OR56A3: variants seen among roughly 807,000 people sequenced by gnomAD.
OR56A3 encodes olfactory receptor family 56 subfamily A member 3.
A neutral mutation model predicts 17.5 loss-of-function variants in OR56A3; 23 were observed. That is an observed-to-expected ratio of 1.32 (90% CI 0.95 to 1.87). The LOEUF is 1.87. OR56A3 is among the 40% of genes most tolerant of loss of function. The pLI, the probability that OR56A3 is intolerant of heterozygous loss-of-function variation, is 0.00. For synonymous variants in OR56A3, 175 were observed against 150.6 expected, an observed-to-expected ratio of 1.16 and a Z score of -1.19; for missense variants, 366 against 380.1, an observed-to-expected ratio of 0.96 and a Z score of 0.31.
the OR56A3 span, among the ~76,000 whole-genome samples, chr11:6,008,577 C>T: frequency 3.6e-3 from 552 of 151,850 alleles, 5 homozygotes; most frequent in African/African-American, 0.013. Context: ...ACTTTCTGGC[C>T]GCTTCTACTT....
intron 2 of OR56A3, among the ~76,000 whole-genome samples, chr11:5,945,953 G>A (rs772623929): frequency 6.6e-6 from 1 of 152,200 alleles, no homozygotes; most frequent in Admixed American, 6.5e-5. Context: ...GCTGAGAAGC[G>A]ATAGAAAGGA....
chr11:5,965,616 CA>C, the OR56A3 span, among the ~76,000 whole-genome samples: 47 of 152,048 alleles, frequency 3.1e-4, 1 homozygote, highest in Middle Eastern at 0.014. Context: ...TTTTATTCAT[CA>C]AAATAACTAA....
downstream of OR56A3, among the ~76,000 whole-genome samples, chr11:5,956,167 T>C (rs1301138659): frequency 6.6e-6 from 1 of 152,250 alleles, no homozygotes; most frequent in Non-Finnish European, 1.5e-5. Flanking sequence ...CGAACAATTG[T>C]TGGCCAAAGA....
chr11:6,012,766 G>C, the OR56A3 span, among the ~76,000 whole-genome samples: 2 of 152,298 alleles, frequency 1.3e-5, no homozygotes, highest in African/African-American at 4.8e-5. Flanking sequence ...TTGCACCAAG[G>C]GGCACCTTTA....
At chr11:6,009,480 A>T in the OR56A3 span, among the ~76,000 whole-genome samples, 1 of 152,190 alleles carries the variant, frequency 6.6e-6, no homozygotes, top group Non-Finnish European at 1.5e-5. Context: ...AGTATTTTAC[A>T]TGTGTATTCA....
At chr11:5,968,313 G>C in the OR56A3 span, 1 of 1,612,876 alleles carries the variant, frequency 6.2e-7, no homozygotes, top group Non-Finnish European at 8.5e-7. Flanking sequence ...GTAGTACAGG[G>C]GCTGGTGCAG....
At chr11:5,976,062 G>A in the OR56A3 span, among the ~76,000 whole-genome samples, 2 of 151,976 alleles carry the variant, frequency 1.3e-5, no homozygotes, top group Admixed American at 6.6e-5. Flanking sequence ...GACTGTAAAG[G>A]GGGCAGTTCC....
At chr11:5,991,245 G>A in the OR56A3 span, among the ~76,000 whole-genome samples, 1 of 152,190 alleles carries the variant, frequency 6.6e-6, no homozygotes, top group African/African-American at 2.4e-5. Context: ...TGCCACCTAG[G>A]ACCATGCCAA....
chr11:5,981,503 C>T, the OR56A3 span, among the ~76,000 whole-genome samples: 2 of 152,168 alleles, frequency 1.3e-5, no homozygotes, highest in South Asian at 2.1e-4. Flanking sequence ...AATTTTTCAG[C>T]TCTATCAAAT....
intron 1 of OR56A3, among the ~76,000 whole-genome samples, chr11:5,942,746 C>T (rs1401347296): frequency 6.6e-6 from 1 of 152,258 alleles, no homozygotes; most frequent in Non-Finnish European, 1.5e-5. Context: ...GAACAGAAAA[C>T]TACGCCCAGA....
At chr11:5,985,840 C>T in the OR56A3 span, 1 of 1,136,116 alleles carries the variant, frequency 8.8e-7, no homozygotes, top group Non-Finnish European at 1.2e-6. Context: ...GGAATACTCA[C>T]TGCAAAATGG....
chr11:5,963,325 C>T, the OR56A3 span, among the ~76,000 whole-genome samples: 2 of 152,026 alleles, frequency 1.3e-5, no homozygotes, highest in East Asian at 3.8e-4. Flanking sequence ...TTGCTATAGC[C>T]TTCCTCTTAG....
At chr11:5,947,254 T>C (rs1278518196) in intron 2 of OR56A3, 57 bp from the exon 3 acceptor site, 28 of 1,174,966 alleles carry the variant, frequency 2.4e-5, no homozygotes, top group Non-Finnish European at 3.1e-5. Context: ...GACAAACAAA[T>C]TGTGCTATCT....
In OR56A3 at chr11:5,946,685, TAGAG is replaced by T. The variant is rs1312681498; in HGVS notation, c.-36-622_-36-619del. 5.5e-4 allele frequency among the ~76,000 whole-genome samples: 84 copies of T among 152,274 alleles called. 1 individual carries two copies. Among genetic ancestry groups the T allele is most frequent in the African/African-American group, 1.9e-3 (77 of 41,560 alleles). Reference sequence around the variant, plus strand: ...CCTAAAAATATGAACATCTAAAAAATAGAGAGATATTAAGGCAATTATTTGGTGG... The same window carrying T: ...CCTAAAAATATGAACATCTAAAAAATAGATATTAAGGCAATTATTTGGTGG... On this transcript the variant is annotated intron_variant, in intron 2 of 2. Transcript: ENST00000641160.
the OR56A3 span, chr11:5,986,422 C>A: frequency 2.5e-6 from 4 of 1,613,828 alleles, no homozygotes; most frequent in East Asian, 6.7e-5. Context: ...GAGTAGTAAT[C>A]CCCTCACCAG....
Position 5,948,132 on chromosome 11 carries a change from T to C in OR56A3, c.786T>C (p.Phe262=), listed in dbSNP as rs1444125799. ...TCTTCAGCACCATCCTTCTGGTTTTTGTCCTCACACATGTGGCTAAGAAGA... is the reference window on the plus strand; with the variant it reads ...TCTTCAGCACCATCCTTCTGGTTTTCGTCCTCACACATGTGGCTAAGAAGA... ...ILFFSTILLV[F]VLTHVAKKKV... The change falls in exon 3 of 3, where the codon TTT becomes TTC. Residue 262 remains phenylalanine, a synonymous_variant. Coordinates refer to ENST00000641160, the MANE Select transcript of OR56A3 (RefSeq NM_001003443.3). The C allele has an allele frequency of 1.2e-6, 2 of 1,614,242 alleles. No homozygotes were observed. The highest frequency in any genetic ancestry group is 1.7e-6 in the Non-Finnish European group (2 of 1,180,044).
At position 5,948,644 on chromosome 11, in the gene OR56A3, G is replaced by T. The variant is rs551876047; in HGVS notation, c.*350G>T. On this transcript the variant is annotated 3_prime_UTR_variant, in exon 3 of 3. Coordinates refer to ENST00000641160, the MANE Select transcript of OR56A3 (RefSeq NM_001003443.3). ...TTAAAAATACAACTGCGGTTATTTTGTTGTGTCTGTTATGTGTAATGTCCT... is the reference window on the plus strand; with the variant it reads ...TTAAAAATACAACTGCGGTTATTTTTTTGTGTCTGTTATGTGTAATGTCCT... The T allele has an allele frequency of 5.2e-4, 114 of 217,932 alleles. No individual in the cohort carries two copies. Among genetic ancestry groups the T allele is most frequent in the Non-Finnish European group, 9.4e-4 (102 of 109,008 alleles). 13.5% of individuals were successfully genotyped at this position (217,932 alleles called of 1,614,324 possible). A position where few individuals can be genotyped will look rare whatever the true frequency, so the allele number is the denominator to read the frequency against.
At chr11:5,962,872 T>C in the OR56A3 span, among the ~76,000 whole-genome samples, 11 of 152,196 alleles carry the variant, frequency 7.2e-5, no homozygotes, top group Admixed American at 2.0e-4. Context: ...CTATCTTTAT[T>C]TCATTACTCA....
At chr11:5,996,812 G>A in the OR56A3 span, among the ~76,000 whole-genome samples, 1 of 152,046 alleles carries the variant, frequency 6.6e-6, no homozygotes, top group African/African-American at 2.4e-5. Flanking sequence ...TTTTTGCTGG[G>A]GCAATGAACA....
Sources: gnomAD v4.1 joint callset for allele counts (sites outside exome capture counted in the v4.1 genomes callset) on GRCh38, gnomAD v4.1.1 for gene constraint, MANE v1.5 for transcripts, NCBI Gene and HGNC (gene_info 2026-07-23, HGNC 2026-07-21) for gene names.